RNF150: variants seen among roughly 807,000 people sequenced by gnomAD.
RNF150 encodes the protein ring finger protein 150.
RNF150 carries 24 observed loss-of-function variants against 39.3 expected under a neutral mutation model. That is an observed-to-expected ratio of 0.61 (90% CI 0.44 to 0.86). The LOEUF (loss-of-function observed/expected upper bound fraction) is 0.86, where lower values mean the gene tolerates loss of function less well. Ranked by LOEUF, RNF150 falls within the 40% of genes least tolerant of loss-of-function variation. The pLI is 0.00. For missense variants in RNF150, 502 were observed against 587.8 expected (o/e 0.85, Z 1.51); for synonymous variants, 255 against 227.3 (o/e 1.12, Z -1.10).
chr4:141,161,177 A>C (rs1358536147), intron 1 of RNF150, among the ~76,000 whole-genome samples: 1 of 152,208 alleles, frequency 6.6e-6, no homozygotes, highest in Non-Finnish European at 1.5e-5. Flanking sequence ...TCTTAGATGA[A>C]GATGAGGAAC....
chr4:141,041,887 T>A (rs781429690), intron 1 of RNF150, among the ~76,000 whole-genome samples: 1 of 152,044 alleles, frequency 6.6e-6, no homozygotes, highest in African/African-American at 2.4e-5. Context: ...TGTGAGTACA[T>A]CTTATTTTTA....
chr4:141,085,491 G>A (rs1239692728), intron 1 of RNF150, among the ~76,000 whole-genome samples: 1 of 152,188 alleles, frequency 6.6e-6, no homozygotes, highest in African/African-American at 2.4e-5. Flanking sequence ...TGAGGTCTCT[G>A]TGGAGAGTCA....
At chr4:141,174,663 A>C (rs2111177787) in intron 1 of RNF150, among the ~76,000 whole-genome samples, 1 of 152,180 alleles carries the variant, frequency 6.6e-6, no homozygotes, top group Admixed American at 6.5e-5. Context: ...CAGACCACAA[A>C]CTGATAGAGG....
chr4:140,986,945 T>C (rs906264388), intron 1 of RNF150, among the ~76,000 whole-genome samples: 1 of 152,026 alleles, frequency 6.6e-6, no homozygotes, highest in Non-Finnish European at 1.5e-5. Context: ...AAAATCAATG[T>C]ACAAAAATCA....
intron 1 of RNF150, among the ~76,000 whole-genome samples, chr4:140,968,936 T>TA (rs1239397605): frequency 6.6e-6 from 1 of 151,948 alleles, no homozygotes; most frequent in Non-Finnish European, 1.5e-5. Context: ...GCAAGATGAT[T>TA]AGGGCACAGA....
At chr4:141,152,793 G>A (rs192531635) in intron 1 of RNF150, among the ~76,000 whole-genome samples, 1 of 152,190 alleles carries the variant, frequency 6.6e-6, no homozygotes, top group Admixed American at 6.5e-5. Flanking sequence ...TCATATAATG[G>A]GAAGAATACT....
intron 6 of RNF150, among the ~76,000 whole-genome samples, chr4:140,879,639 A>C (rs762335280): frequency 4.0e-5 from 6 of 151,720 alleles, no homozygotes; most frequent in Non-Finnish European, 8.8e-5. Context: ...CCTGGGCAAC[A>C]TAGCAAGATC....
intron 1 of RNF150, among the ~76,000 whole-genome samples, chr4:141,024,884 C>T (rs1400422406): frequency 6.6e-6 from 1 of 152,148 alleles, no homozygotes; most frequent in Non-Finnish European, 1.5e-5. Context: ...TTACAAGAAT[C>T]TCTATCTCCA....
chr4:141,034,456 C>T (rs994095691), intron 1 of RNF150, among the ~76,000 whole-genome samples: 4 of 152,160 alleles, frequency 2.6e-5, no homozygotes, highest in Admixed American at 1.3e-4. Flanking sequence ...TCTTATCATT[C>T]ATTTGTTCAC....
chr4:141,198,577 A>G (rs563566294), intron 1 of RNF150, among the ~76,000 whole-genome samples: 1 of 152,264 alleles, frequency 6.6e-6, no homozygotes, highest in African/African-American at 2.4e-5. Flanking sequence ...GATGATGACA[A>G]GAGCGAAAAA....
chr4:141,072,927 A>T (rs1466752079), intron 1 of RNF150, among the ~76,000 whole-genome samples: 1 of 152,126 alleles, frequency 6.6e-6, no homozygotes, highest in East Asian at 1.9e-4. Context: ...CTACACTGGA[A>T]ATTCCCACCT....
intron 6 of RNF150, among the ~76,000 whole-genome samples, chr4:140,879,113 T>C (rs1170165321): frequency 6.6e-6 from 1 of 152,236 alleles, no homozygotes; most frequent in African/African-American, 2.4e-5. Flanking sequence ...TCTGTCTTTA[T>C]GCCAGTACCA....
At chr4:140,943,589 T>C (rs1358056155) in intron 4 of RNF150, among the ~76,000 whole-genome samples, 1 of 152,344 alleles carries the variant, frequency 6.6e-6, no homozygotes, top group Admixed American at 6.5e-5. Flanking sequence ...CATTGTGTTA[T>C]TATTGTTACA....
chr4:141,185,220 A>C (rs1727982906), intron 1 of RNF150, among the ~76,000 whole-genome samples: 1 of 152,078 alleles, frequency 6.6e-6, no homozygotes, highest in African/African-American at 2.4e-5. Context: ...AGTGGTTTGC[A>C]GTTTTCCTTG....
intron 1 of RNF150, among the ~76,000 whole-genome samples, chr4:140,989,857 G>C (rs1326281715): frequency 6.6e-6 from 1 of 152,006 alleles, no homozygotes; most frequent in African/African-American, 2.4e-5. Flanking sequence ...GTTCCACCCA[G>C]CTAATCACAG....
At chr4:141,043,003 T>A (rs1282667968) in intron 1 of RNF150, among the ~76,000 whole-genome samples, 1 of 152,148 alleles carries the variant, frequency 6.6e-6, no homozygotes, top group African/African-American at 2.4e-5. Flanking sequence ...TAGAGCTGTA[T>A]GACAATCTTT....
chr4:140,959,121 C>T (rs1175277105), intron 2 of RNF150, among the ~76,000 whole-genome samples: 1 of 152,120 alleles, frequency 6.6e-6, no homozygotes, highest in Admixed American at 6.6e-5. Context: ...TCCACATGGT[C>T]CTATGTACTT....
chr4:140,930,034 G>T (rs574318119), intron 4 of RNF150, among the ~76,000 whole-genome samples: 4 of 152,260 alleles, frequency 2.6e-5, no homozygotes, highest in African/African-American at 9.6e-5. Context: ...GGTGTTGTGT[G>T]CCTGTAATTC....
intron 1 of RNF150, among the ~76,000 whole-genome samples, chr4:141,075,048 T>C (rs1470382323): frequency 6.6e-6 from 1 of 152,200 alleles, no homozygotes; most frequent in Non-Finnish European, 1.5e-5. Flanking sequence ...TGTGATTCAA[T>C]CTCCTTCAAT....
Sources: allele counts gnomAD v4.1 joint callset (sites outside exome capture counted in the v4.1 genomes callset), GRCh38; gene constraint gnomAD v4.1.1; transcripts MANE v1.5; gene names NCBI Gene and HGNC (gene_info 2026-07-23, HGNC 2026-07-21).